The following CASTOR2 variants were observed in gnomAD, a reference collection of about 807,000 sequenced individuals.
CASTOR2 encodes cytosolic arginine sensor for mTORC1 subunit 2.
A neutral mutation model predicts 31.2 loss-of-function variants in CASTOR2; 8 were observed. The observed-to-expected ratio is 0.26, with a 90% confidence interval of 0.15 to 0.46. The LOEUF (loss-of-function observed/expected upper bound fraction) is 0.46, where lower values mean the gene tolerates loss of function less well. Among genes scored for constraint, CASTOR2 ranks in the 20% least tolerant of loss-of-function variants. The probability of loss-of-function intolerance (pLI) is 0.99; values close to 1 mark genes in which losing one functional copy is unlikely to be tolerated. For missense variants in CASTOR2, 216 were observed against 382.1 expected, an observed-to-expected ratio of 0.57 and a Z score of 3.62; for synonymous variants, 162 against 158.7, an observed-to-expected ratio of 1.02 and a Z score of -0.16.
chr7:74,986,489 CAA>C (rs1230811070), intron 1 of CASTOR2, among the ~76,000 whole-genome samples: 19 of 66,876 alleles, frequency 2.8e-4, no homozygotes, highest in Admixed American at 5.4e-4. Flanking sequence ...GACTCTGTCT[CAA>C]AAAAAAAAAA....
intron 6 of CASTOR2, among the ~76,000 whole-genome samples, chr7:75,020,530 G>A (rs1317368237): frequency 6.8e-5 from 10 of 147,442 alleles, no homozygotes; most frequent in Admixed American, 2.8e-4. Context: ...TCGCTCTGTC[G>A]CCCAGGCTGG....
chr7:74,979,435 C>T (rs1803902407), intron 1 of CASTOR2, among the ~76,000 whole-genome samples: 1 of 124,116 alleles, frequency 8.1e-6, no homozygotes, highest in Non-Finnish European at 1.7e-5. Context: ...TACTCTATTG[C>T]CCAGGCTGGA....
At chr7:75,016,367 T>C (rs1167391567) in intron 2 of CASTOR2, among the ~76,000 whole-genome samples, 5 of 152,334 alleles carry the variant, frequency 3.3e-5, no homozygotes, top group Non-Finnish European at 7.4e-5. Flanking sequence ...TAGCAGTTGC[T>C]GCTGCTGTGG....
In CASTOR2 at chr7:75,028,559, C is replaced by T. The variant is rs1377910218; in HGVS notation, c.*3860C>T. Among the ~76,000 whole-genome samples the T allele has an allele frequency of 6.6e-6, 1 of 152,250 alleles. No homozygotes were observed. The highest frequency in any genetic ancestry group is 2.4e-5 in the African/African-American group (1 of 41,552). ...CCCCACCCTCTCCCCTTGCTGCACT[C>T]AGAGTACCAGTGGGAGCTGAAGGAT... On this transcript the variant is annotated 3_prime_UTR_variant, in exon 9 of 9. Transcript: ENST00000616305.
rs1221880591 is a variant in CASTOR2 at position 74,982,070 on chromosome 7, GA to G, written c.113+16986del. Reference sequence around the variant, plus strand: ...TTGACAAAGTGAGACCCAGTCTCAAGAAAAAAAAAAAAAAGTGGGAAGAAGC... The same window carrying G: ...TTGACAAAGTGAGACCCAGTCTCAAGAAAAAAAAAAAAAGTGGGAAGAAGC... On this transcript the variant is annotated intron_variant, in intron 1 of 8. Coordinates refer to ENST00000616305, the MANE Select transcript of CASTOR2 (RefSeq NM_001145064.3). 5.3e-3 allele frequency among the ~76,000 whole-genome samples: 504 copies of G among 94,896 alleles called. 2 individuals are homozygous for G. Among genetic ancestry groups the G allele is most frequent in the Middle Eastern group, 9.2e-3 (2 of 218 alleles). The allele number at this position is 94,896 out of a possible 152,430, so 62.3% of individuals were successfully genotyped here. A position where few individuals can be genotyped will look rare whatever the true frequency, so the allele number is the denominator to read the frequency against.
rs1012138577 is a variant in CASTOR2, at chr7:75,024,730, C to G, written c.*31C>G. On this transcript the variant is annotated 3_prime_UTR_variant, in exon 9 of 9. Coordinates refer to ENST00000616305, the MANE Select transcript of CASTOR2 (RefSeq NM_001145064.3). ...TCTCTTCTGCTCCTCCCTGCCGCCG[C>G]CCGGGCCCAGCCCTAACCCTGAAGA... 2.6e-6 allele frequency: 4 copies of G among 1,551,454 alleles called. No homozygotes were observed. The African/African-American group carries it at 5.5e-5, about 21-fold the overall frequency.
intron 1 of CASTOR2, among the ~76,000 whole-genome samples, chr7:74,994,096 G>A (rs1224198590): frequency 2.7e-4 from 41 of 152,318 alleles, no homozygotes; most frequent in Admixed American, 2.1e-3. Flanking sequence ...CAGCCGGGCC[G>A]TCCACAACAG....
chr7:75,014,521 G>A lies in CASTOR2; in HGVS notation c.185-3077G>A, dbSNP rs1483261970. Reference sequence around the variant, plus strand: ...ACATGAGAATCGCTTGAACCCGGGAGGCAGAGGTTGCAGTGAGCCGAGATC... The same window carrying A: ...ACATGAGAATCGCTTGAACCCGGGAAGCAGAGGTTGCAGTGAGCCGAGATC... On this transcript the variant is annotated intron_variant, in intron 2 of 8. Transcript: ENST00000616305. Among the ~76,000 whole-genome samples the A allele has an allele frequency of 1.7e-4, 26 of 152,046 alleles. No individual in the cohort carries two copies. In the South Asian group the frequency reaches 5.4e-3, roughly 32 times the overall value.
chr7:74,993,445 C>CTT (rs1156811360), intron 1 of CASTOR2, among the ~76,000 whole-genome samples: 32 of 77,606 alleles, frequency 4.1e-4, no homozygotes, highest in Middle Eastern at 8.5e-3. Context: ...CCTCCTTTGT[C>CTT]TTTTTTTTTT....
At chr7:75,009,262 CTTTTTT>C (rs1161937896) in intron 2 of CASTOR2, among the ~76,000 whole-genome samples, 6 of 60,296 alleles carry the variant, frequency 1.0e-4, no homozygotes, top group Admixed American at 3.0e-4. Flanking sequence ...GGCCTGAGAA[CTTTTTT>C]TTTTTTTTTT....
At chr7:75,019,915 G>C (rs1043284957) in intron 5 of CASTOR2, 124 bp from the exon 6 acceptor site, 38 of 793,676 alleles carry the variant, frequency 4.8e-5, no homozygotes, top group Non-Finnish European at 7.7e-5. Context: ...AGGATGAGAA[G>C]GACACTGGCC....
At chr7:74,982,500 G>C (rs1803969519) in intron 1 of CASTOR2, among the ~76,000 whole-genome samples, 1 of 148,054 alleles carries the variant, frequency 6.8e-6, no homozygotes, top group East Asian at 2.0e-4. Flanking sequence ...ACTGAGCAAT[G>C]CTTTGGGGCT....
intron 1 of CASTOR2, among the ~76,000 whole-genome samples, chr7:74,970,609 CTCT>C (rs1303551390): frequency 8.9e-6 from 1 of 112,494 alleles, no homozygotes; most frequent in Admixed American, 1.0e-4. Flanking sequence ...GTTGGGCTCA[CTCT>C]TCTTCTGGTA....
Position 75,028,060 on chromosome 7 carries a change from C to G in CASTOR2, c.*3361C>G. 6.5e-7 allele frequency: 1 copy of G among 1,534,018 alleles called. No individual in the cohort carries two copies. Among genetic ancestry groups the G allele is most frequent in the South Asian group, 1.2e-5 (1 of 83,976 alleles). On this transcript the variant is annotated 3_prime_UTR_variant, in exon 9 of 9. Coordinates refer to ENST00000616305, the MANE Select transcript of CASTOR2 (RefSeq NM_001145064.3). ...GAGGAGTGGGCCTGTTGTCTTGGCG[C>G]TGGCGGATGGGGCAGGTGCCTGGCG...
intron 1 of CASTOR2, among the ~76,000 whole-genome samples, chr7:75,003,698 C>T (rs1274545342): frequency 6.7e-4 from 102 of 151,550 alleles, no homozygotes; most frequent in Middle Eastern, 6.8e-3. Flanking sequence ...TGCAGTGAGC[C>T]GAGATTGCGC....
rs969019262 is a variant in CASTOR2 at position 75,031,041 on chromosome 7, C to T, written c.*6342C>T. Among the ~76,000 whole-genome samples, 3 of 152,246 alleles carry T rather than the reference C, an allele frequency of 2.0e-5. No individual in the cohort carries two copies. In the East Asian group the frequency reaches 5.8e-4, roughly 29 times the overall value. ...GCCAGTGCGGTTTCCCTTCCACTGC[C>T]TCAGTTTACCTGTATTCAGAAGACA... is the stretch of plus-strand genomic sequence containing the variant. On this transcript the variant is annotated 3_prime_UTR_variant, in exon 9 of 9. Transcript: ENST00000616305.
chr7:75,017,622 G>A lies in CASTOR2; in HGVS notation c.209G>A (p.Ser70Asn). The A allele has an allele frequency of 1.2e-6, 2 of 1,613,996 alleles. No individual in the cohort carries two copies. The highest frequency in any genetic ancestry group is 1.7e-6 in the Non-Finnish European group (2 of 1,179,878). Residue 70 changes from serine (S) to asparagine (N), a missense_variant, in exon 3 of 9, where the codon AGT becomes AAT. By Grantham distance (46) the Ser-to-Asn change is conservative. Coordinates refer to ENST00000616305, the MANE Select transcript of CASTOR2 (RefSeq NM_001145064.3). The stretch of plus-strand genomic sequence containing the variant: ...GAGCTGCCCTCCTCGGAGCACCTGA[G>A]TGTGGCAGATGCCACCTGGCTGGCC... ...FLELPSSEHLSVADATWLALN... is the reference protein window; with the variant it reads ...FLELPSSEHLNVADATWLALN...
chr7:74,999,380 C>T (rs1804437587), intron 1 of CASTOR2, among the ~76,000 whole-genome samples: 1 of 151,788 alleles, frequency 6.6e-6, no homozygotes, highest in Non-Finnish European at 1.5e-5. Flanking sequence ...CAATTAAGGG[C>T]CTTTTTCTAA....
rs1023660255 is a variant in CASTOR2 at position 75,030,042 on chromosome 7, G to T, written c.*5343G>T. 2.6e-5 allele frequency among the ~76,000 whole-genome samples: 4 copies of T among 152,338 alleles called. No homozygotes were observed. Among genetic ancestry groups the T allele is most frequent in the Admixed American group, 2.6e-4 (4 of 15,302 alleles). Reference sequence around the variant, plus strand: ...CAGGGAAGGAAGCCAGCCAGGAGCAGCCTGGAGCAGAGGCAGGAGCCTGAG... The same window carrying T: ...CAGGGAAGGAAGCCAGCCAGGAGCATCCTGGAGCAGAGGCAGGAGCCTGAG... On this transcript the variant is annotated 3_prime_UTR_variant, in exon 9 of 9. Transcript: ENST00000616305.
Sources: allele counts gnomAD v4.1 joint callset (sites outside exome capture counted in the v4.1 genomes callset), GRCh38; gene constraint gnomAD v4.1.1; transcripts MANE v1.5; gene names NCBI Gene and HGNC (gene_info 2026-07-23, HGNC 2026-07-21).